Variants in PIK3C2G observed in about 807,000 individuals in gnomAD.
PIK3C2G encodes phosphatidylinositol-4-phosphate 3-kinase catalytic subunit type 2 gamma, also known as phosphatidylinositol 3-kinase C2 domain-containing subunit gamma.
In PIK3C2G, 168 loss-of-function variants were observed where a neutral mutation model predicts 181.1. That is an observed-to-expected ratio of 0.93 (90% CI 0.82 to 1.05). The LOEUF is 1.05. Among genes scored for constraint, PIK3C2G ranks in the 50% least tolerant of loss-of-function variants. PIK3C2G has a pLI of 0.00. For synonymous variants in PIK3C2G, 573 were observed against 592.2 expected (o/e 0.97, Z 0.47); for missense variants, 1,869 against 1,732.8 (o/e 1.08, Z -1.40).
At chr12:18,327,585 T>C (rs61231217) in intron 8 of PIK3C2G, among the ~76,000 whole-genome samples, 4,957 of 152,202 alleles carry the variant, frequency 0.033, 272 homozygotes, top group African/African-American at 0.11. Context: ...GTTTTGTATC[T>C]AATTTACAAA....
intron 5 of PIK3C2G, among the ~76,000 whole-genome samples, chr12:18,298,099 C>G (rs1005704848): frequency 1.8e-4 from 28 of 151,934 alleles, no homozygotes; most frequent in African/African-American, 6.8e-4. Flanking sequence ...GCAAAATCTC[C>G]ATACTGTTTT....
chr12:18,588,759 T>C (rs1452663201), intron 29 of PIK3C2G, among the ~76,000 whole-genome samples: 2 of 152,000 alleles, frequency 1.3e-5, no homozygotes, highest in Admixed American at 6.6e-5. Flanking sequence ...CCCAAAGAAA[T>C]ATAAATCATC....
intron 18 of PIK3C2G, among the ~76,000 whole-genome samples, chr12:18,437,645 G>A (rs1946517342): frequency 6.6e-6 from 1 of 151,940 alleles, no homozygotes; most frequent in South Asian, 2.1e-4. Context: ...ATGTTCCTGA[G>A]AGTTCTGTAA....
intron 30 of PIK3C2G, among the ~76,000 whole-genome samples, chr12:18,606,800 C>G (rs1156980684): frequency 2.0e-5 from 3 of 151,924 alleles, no homozygotes; most frequent in Non-Finnish European, 4.4e-5. Flanking sequence ...CCCCAGATAA[C>G]ATACAACCAA....
chr12:18,601,496 A>AT (rs1042563577), intron 30 of PIK3C2G, among the ~76,000 whole-genome samples: 2 of 152,026 alleles, frequency 1.3e-5, no homozygotes, highest in Non-Finnish European at 2.9e-5. Context: ...ATGGAGAGAG[A>AT]TTTTTTTAAA....
chr12:18,623,925 G>GT (rs1948980051), intron 31 of PIK3C2G, among the ~76,000 whole-genome samples: 1 of 151,676 alleles, frequency 6.6e-6, no homozygotes, highest in Non-Finnish European at 1.5e-5. Context: ...AGTTCTAACA[G>GT]TTTTTTGGTG....
At chr12:18,348,345 T>TGC (rs1283310603) in intron 11 of PIK3C2G, among the ~76,000 whole-genome samples, 48 of 152,158 alleles carry the variant, frequency 3.2e-4, no homozygotes, top group African/African-American at 1.2e-3. Context: ...TGTGTGTGTG[T>TGC]GTGCGTATGA....
At chr12:18,525,571 T>C (rs1480430181) in intron 24 of PIK3C2G, among the ~76,000 whole-genome samples, 1 of 152,170 alleles carries the variant, frequency 6.6e-6, no homozygotes, top group Non-Finnish European at 1.5e-5. Flanking sequence ...AGCAGAGGTA[T>C]GCTGAACCTG....
At chr12:18,277,517 C>G (rs964565291) in intron 1 of PIK3C2G, among the ~76,000 whole-genome samples, 1 of 152,082 alleles carries the variant, frequency 6.6e-6, no homozygotes, top group Admixed American at 6.6e-5. Flanking sequence ...TAAATTAAAA[C>G]ACTGGTAAAT....
intron 5 of PIK3C2G, among the ~76,000 whole-genome samples, chr12:18,303,212 CTTT>C (rs770142754): frequency 7.1e-6 from 1 of 140,318 alleles, no homozygotes; most frequent in Non-Finnish European, 1.6e-5. Context: ...CTTTCTTTCT[CTTT>C]TCTTTCCTTC....
At chr12:18,634,871 T>A (rs182909022) in intron 31 of PIK3C2G, among the ~76,000 whole-genome samples, 2,692 of 152,306 alleles carry the variant, frequency 0.018, 67 homozygotes, top group African/African-American at 0.061. Context: ...ATCTTCACTT[T>A]TTTTTTGCCC....
intron 14 of PIK3C2G, among the ~76,000 whole-genome samples, chr12:18,387,229 G>A (rs991900146): frequency 6.6e-6 from 1 of 151,658 alleles, no homozygotes; most frequent in Non-Finnish European, 1.5e-5. Context: ...TGGTTTCCTT[G>A]GCTTTAGTTT....
intron 16 of PIK3C2G, among the ~76,000 whole-genome samples, chr12:18,401,512 A>G (rs1036118466): frequency 6.6e-6 from 1 of 152,192 alleles, no homozygotes; most frequent in Non-Finnish European, 1.5e-5. Context: ...GACTTGGGCT[A>G]TTAGCACAAT....
At chr12:18,478,470 C>T (rs1939223899) in intron 18 of PIK3C2G, among the ~76,000 whole-genome samples, 1 of 152,156 alleles carries the variant, frequency 6.6e-6, no homozygotes, top group Admixed American at 6.5e-5. Flanking sequence ...TCTACTCCCC[C>T]AATGCCACCC....
chr12:18,686,617 C>T, the PIK3C2G span, among the ~76,000 whole-genome samples: 1 of 152,020 alleles, frequency 6.6e-6, no homozygotes, highest in Non-Finnish European at 1.5e-5. Context: ...AAAAATTCTA[C>T]TCATTCTCCA....
chr12:18,525,434 A>G (rs1430586032), intron 24 of PIK3C2G, among the ~76,000 whole-genome samples: 1 of 152,156 alleles, frequency 6.6e-6, no homozygotes, highest in African/African-American at 2.4e-5. Flanking sequence ...AAATTGAACT[A>G]TTAGTCATTT....
intron 16 of PIK3C2G, among the ~76,000 whole-genome samples, chr12:18,419,713 G>A (rs80278826): frequency 7.2e-5 from 11 of 152,260 alleles, no homozygotes; most frequent in Non-Finnish European, 1.3e-4. Context: ...AGAAATAAGA[G>A]TTTTGACTGA....
At chr12:18,482,944 C>T (rs187735905) in intron 18 of PIK3C2G, among the ~76,000 whole-genome samples, 1 of 152,162 alleles carries the variant, frequency 6.6e-6, no homozygotes, top group Non-Finnish European at 1.5e-5. Flanking sequence ...TATCTGACCC[C>T]CAGTTGGTTT....
rs200082257 is a variant in PIK3C2G, at chr12:18,313,816, ACACACACACACACG to A, written c.1035-136_1035-123del. On this transcript the variant is annotated intron_variant, in intron 5 of 32. Transcript: ENST00000538779. ...AATGCATATATATTCACACACACAC[ACACACACACACACG>A]CACACACACGCACACACTCAGTTTT... The A allele has an allele frequency of 2.7e-3, 1,402 of 518,246 alleles. 16 individuals are homozygous for A. In the East Asian group the frequency reaches 0.038, roughly 14 times the overall value. The allele number at this position is 518,246 out of a possible 1,614,324, so 32.1% of individuals were successfully genotyped here.
Sources: allele counts gnomAD v4.1 joint callset (sites outside exome capture counted in the v4.1 genomes callset), GRCh38; gene constraint gnomAD v4.1.1; transcripts MANE v1.5; gene names NCBI Gene and HGNC (gene_info 2026-07-23, HGNC 2026-07-21).